Variants in RORA observed in about 807,000 individuals in gnomAD.
RORA encodes the protein nuclear receptor ROR-alpha.
A neutral mutation model predicts 69.5 loss-of-function variants in RORA; 7 were observed. That is an observed-to-expected ratio of 0.10 (90% CI 0.06 to 0.19). The LOEUF (loss-of-function observed/expected upper bound fraction) is 0.19. Among genes scored for constraint, RORA ranks in the 10% least tolerant of loss-of-function variants. The pLI, the probability that RORA is intolerant of heterozygous loss-of-function variation, is 1.00. For synonymous variants in RORA, 261 were observed against 240.8 expected (o/e 1.08, Z -0.78); for missense variants, 457 against 663.0 (o/e 0.69, Z 3.41).
intron 1 of RORA, among the ~76,000 whole-genome samples, chr15:60,691,941 G>C (rs1376568713): frequency 6.6e-6 from 1 of 152,184 alleles, no homozygotes; most frequent in Non-Finnish European, 1.5e-5. Flanking sequence ...TTAACCATAT[G>C]CTACATACAG....
chr15:60,783,022 T>C (rs1456769352), intron 1 of RORA, among the ~76,000 whole-genome samples: 1 of 152,126 alleles, frequency 6.6e-6, no homozygotes, highest in East Asian at 1.9e-4. Flanking sequence ...ACTACACAAA[T>C]TGTACTACTG....
chr15:60,723,922 T>C (rs1391263899), intron 1 of RORA, among the ~76,000 whole-genome samples: 1 of 152,182 alleles, frequency 6.6e-6, no homozygotes, highest in Non-Finnish European at 1.5e-5. Flanking sequence ...TGGATCTGTG[T>C]GGCACGGTCA....
chr15:60,558,921 G>A (rs1316134068), intron 2 of RORA, among the ~76,000 whole-genome samples: 3 of 152,098 alleles, frequency 2.0e-5, no homozygotes, highest in Admixed American at 6.5e-5. Flanking sequence ...TTTAGTGTAG[G>A]CTTTAGAAAA....
intron 1 of RORA, among the ~76,000 whole-genome samples, chr15:61,045,903 G>A (rs938628192): frequency 2.0e-5 from 3 of 152,176 alleles, no homozygotes; most frequent in Non-Finnish European, 4.4e-5. Flanking sequence ...AAAGGACTTC[G>A]TGGCATGCAG....
At chr15:60,593,206 T>C in intron 2 of RORA, 1 of 265,460 alleles carries the variant, frequency 3.8e-6, no homozygotes. Context: ...ATAACCAAGG[T>C]CCTGGTCTAC....
chr15:60,613,219 T>C (rs1205031874), intron 2 of RORA, among the ~76,000 whole-genome samples: 2 of 152,212 alleles, frequency 1.3e-5, no homozygotes, highest in Non-Finnish European at 2.9e-5. Context: ...TCTCATAATA[T>C]TTGAATAAAT....
At chr15:60,969,324 T>C (rs907396746) in intron 1 of RORA, among the ~76,000 whole-genome samples, 2 of 152,266 alleles carry the variant, frequency 1.3e-5, no homozygotes, top group Non-Finnish European at 2.9e-5. Context: ...AATCATGGTT[T>C]CCTATTTTGT....
intron 1 of RORA, among the ~76,000 whole-genome samples, chr15:60,961,259 A>G (rs1333211146): frequency 6.6e-6 from 1 of 152,156 alleles, no homozygotes; most frequent in Non-Finnish European, 1.5e-5. Flanking sequence ...GACCAAATAA[A>G]GCATAACTCC....
At chr15:61,123,080 G>C (rs1207763138) in intron 1 of RORA, among the ~76,000 whole-genome samples, 5 of 152,240 alleles carry the variant, frequency 3.3e-5, no homozygotes, top group Middle Eastern at 3.4e-3. Context: ...GCCCATTAGA[G>C]AGCTATTTCC....
At chr15:61,198,359 G>A (rs1260700650) in intron 1 of RORA, among the ~76,000 whole-genome samples, 1 of 152,056 alleles carries the variant, frequency 6.6e-6, no homozygotes, top group Admixed American at 6.6e-5. Flanking sequence ...AGATCTAGGA[G>A]ACTTGAGTGC....
intron 1 of RORA, among the ~76,000 whole-genome samples, chr15:60,998,474 T>C (rs879402424): frequency 5.3e-5 from 8 of 151,974 alleles, no homozygotes; most frequent in Non-Finnish European, 1.0e-4. Flanking sequence ...CTCAGCTCAC[T>C]GCAACTTCTG....
At chr15:60,776,279 C>A (rs2072166099) in intron 1 of RORA, among the ~76,000 whole-genome samples, 1 of 152,238 alleles carries the variant, frequency 6.6e-6, no homozygotes, top group South Asian at 2.1e-4. Context: ...TGGTTCCCAC[C>A]TCACTCTTCC....
Position 60,518,557 on chromosome 15 carries a change from G to A in RORA, c.283-3800C>T, listed in dbSNP as rs1426449878. 2.0e-5 allele frequency among the ~76,000 whole-genome samples: 3 copies of A among 152,246 alleles called. No homozygotes were observed. In the East Asian group the frequency reaches 5.8e-4, roughly 29 times the overall value. ...CTCTCACACAAAACCAAGTGGGCTAGAGCCCACACCCAGCACACCTTCTTC... is the reference window on the plus strand; with the variant it reads ...CTCTCACACAAAACCAAGTGGGCTAAAGCCCACACCCAGCACACCTTCTTC... On this transcript the variant is annotated intron_variant, in intron 3 of 10. Coordinates refer to ENST00000335670, the MANE Select transcript of RORA (RefSeq NM_134261.3).
chr15:61,115,335 C>G (rs2079041645), intron 1 of RORA, among the ~76,000 whole-genome samples: 2 of 151,726 alleles, frequency 1.3e-5, no homozygotes, highest in Non-Finnish European at 1.5e-5. Context: ...AAAATGAAAA[C>G]CCACATGAGG....
At chr15:61,100,017 T>A (rs1254253670) in intron 1 of RORA, among the ~76,000 whole-genome samples, 2 of 151,988 alleles carry the variant, frequency 1.3e-5, no homozygotes, top group African/African-American at 4.8e-5. Flanking sequence ...AATAAAGTAG[T>A]CAATCATCTT....
chr15:61,041,992 A>AG (rs1279419084), intron 1 of RORA, among the ~76,000 whole-genome samples: 1 of 152,212 alleles, frequency 6.6e-6, no homozygotes, highest in African/African-American at 2.4e-5. Context: ...GCTGATACAT[A>AG]GCAGAGCTGG....
intron 1 of RORA, among the ~76,000 whole-genome samples, chr15:60,988,815 G>A (rs1894286318): frequency 6.6e-6 from 1 of 152,126 alleles, no homozygotes; most frequent in South Asian, 2.1e-4. Flanking sequence ...CACAGAGATT[G>A]GTATGTGCAC....
rs574878859 is a variant in RORA, at chr15:60,591,820, G to C, written c.197-59969C>G. On this transcript the variant is annotated intron_variant, in intron 2 of 10. Coordinates refer to ENST00000335670, the MANE Select transcript of RORA (RefSeq NM_134261.3). Reference sequence around the variant, plus strand: ...CGGGACACAGCGCGGGACACAGCGCGGACCTGCGGCACTTGCCCGGCCGGC... The same window carrying C: ...CGGGACACAGCGCGGGACACAGCGCCGACCTGCGGCACTTGCCCGGCCGGC... Among the ~76,000 whole-genome samples the C allele has an allele frequency of 2.6e-3, 393 of 152,120 alleles. 1 individual carries two copies. Among genetic ancestry groups the C allele is most frequent in the South Asian group, 5.4e-3 (26 of 4,832 alleles).
intron 1 of RORA, among the ~76,000 whole-genome samples, chr15:61,186,984 G>C (rs1408738142): frequency 6.6e-6 from 1 of 152,228 alleles, no homozygotes; most frequent in Non-Finnish European, 1.5e-5. Context: ...ATTGTATCTG[G>C]AGAGCACACG....
Sources: allele counts gnomAD v4.1 joint callset (sites outside exome capture counted in the v4.1 genomes callset), GRCh38; gene constraint gnomAD v4.1.1; transcripts MANE v1.5; gene names NCBI Gene and HGNC (gene_info 2026-07-23, HGNC 2026-07-21).